Variants in FAM78A observed in about 807,000 individuals in gnomAD.
FAM78A encodes family with sequence similarity 78 member A.
A neutral mutation model predicts 22.6 loss-of-function variants in FAM78A; 12 were observed. The ratio of observed to expected loss-of-function variants is 0.53; its 90% CI spans 0.34 to 0.86. The LOEUF (loss-of-function observed/expected upper bound fraction) is 0.86, where lower values mean the gene tolerates loss of function less well. Among genes scored for constraint, FAM78A ranks in the 40% least tolerant of loss-of-function variants. FAM78A has a pLI of 0.02. For missense variants in FAM78A, 322 were observed against 396.1 expected (o/e 0.81, Z 1.59); for synonymous variants, 151 against 155.8 (o/e 0.97, Z 0.23).
intron 1 of FAM78A, chr9:131,270,227 AGCTGAAGG>A: frequency 1.4e-6 from 1 of 714,798 alleles, no homozygotes. Flanking sequence ...ACAACCACCG[AGCTGAAGG>A]GCTTGCACAT....
Position 131,261,426 on chromosome 9 carries a change from G to A in FAM78A, c.324-76C>T, listed in dbSNP as rs951997559. The A allele has an allele frequency of 1.4e-6, 2 of 1,393,714 alleles. No individual in the cohort carries two copies. The highest frequency in any genetic ancestry group is 1.4e-5 in the African/African-American group (1 of 69,158). The allele number at this position is 1,393,714 out of a possible 1,614,324, so 86.3% of individuals were successfully genotyped here. The stretch of plus-strand genomic sequence containing the variant: ...TCTGTGTCCCCCTGGCAGGCCAGGG[G>A]CTGTCCTGGGCCCTGAGGATGGAAC... On this transcript the variant is annotated intron_variant, in intron 1 of 1. Coordinates refer to ENST00000372271, the MANE Select transcript of FAM78A (RefSeq NM_033387.4). This position sits in a 1 kb window ranked among gnomAD's most constrained non-coding sequence, Gnocchi z 7.1.
At chr9:131,269,382 G>C (rs182948153) in intron 1 of FAM78A, among the ~76,000 whole-genome samples, 1 of 152,278 alleles carries the variant, frequency 6.6e-6, no homozygotes, top group African/African-American at 2.4e-5. Context: ...AGTCTGCACT[G>C]CAGGCAGAGC....
chr9:131,277,301 C>G (rs980129922), upstream of FAM78A, among the ~76,000 whole-genome samples: 1 of 151,908 alleles, frequency 6.6e-6, no homozygotes, highest in East Asian at 1.9e-4. This position sits in a 1 kb window ranked among gnomAD's most constrained non-coding sequence, Gnocchi z 8.4. Flanking sequence ...CCCTTCCCCA[C>G]CCCGGTCCCT....
At chr9:131,268,671 C>T (rs190718235) in intron 1 of FAM78A, among the ~76,000 whole-genome samples, 3,232 of 151,614 alleles carry the variant, frequency 0.021, 47 homozygotes, top group Non-Finnish European at 0.032. Context: ...GAGGCCGAGG[C>T]GGGCGGATCA....
upstream of FAM78A, among the ~76,000 whole-genome samples, chr9:131,279,424 T>G (rs766653327): frequency 6.6e-6 from 1 of 152,230 alleles, no homozygotes; most frequent in Non-Finnish European, 1.5e-5. Flanking sequence ...CCAGTTTATA[T>G]GTAGGGACGA....
At chr9:131,273,951 G>A (rs10793992) in intron 1 of FAM78A, among the ~76,000 whole-genome samples, 53,283 of 152,068 alleles carry the variant, frequency 0.35, 10,010 homozygotes, top group East Asian at 0.52. Context: ...CTGGCCTCCC[G>A]CCCAGATCTG....
chr9:131,279,328 C>T (rs892226644), upstream of FAM78A, among the ~76,000 whole-genome samples: 1 of 152,226 alleles, frequency 6.6e-6, no homozygotes. Flanking sequence ...CTTCCATGAA[C>T]TAATGGCCCC....
chr9:131,279,381 A>G (rs114351902), upstream of FAM78A, among the ~76,000 whole-genome samples: 769 of 152,248 alleles, frequency 5.1e-3, 11 homozygotes, highest in African/African-American at 0.018. Flanking sequence ...GGCCTTCTGC[A>G]CCTCTTGTGC....
chr9:131,268,811 T>G (rs1470199224), intron 1 of FAM78A, among the ~76,000 whole-genome samples: 1 of 151,630 alleles, frequency 6.6e-6, no homozygotes, highest in African/African-American at 2.4e-5. Flanking sequence ...GAGAATCACT[T>G]GAACCCGGGA....
At chr9:131,270,697 A>T (rs1197708941) in intron 1 of FAM78A, among the ~76,000 whole-genome samples, 1 of 152,074 alleles carries the variant, frequency 6.6e-6, no homozygotes, top group Non-Finnish European at 1.5e-5. Context: ...CTCCTCCTCA[A>T]TTGTTCTTTG....
At chr9:131,277,372 C>T (rs1463890501), upstream of FAM78A, among the ~76,000 whole-genome samples, 1 of 152,012 alleles carries the variant, frequency 6.6e-6, no homozygotes, top group Non-Finnish European at 1.5e-5. This position sits in a 1 kb window ranked among gnomAD's most constrained non-coding sequence, Gnocchi z 8.4. Flanking sequence ...CACCCCTTTC[C>T]CGGCTGGGGT....
chr9:131,270,037 TAAA>T (rs1008374603), intron 1 of FAM78A, among the ~76,000 whole-genome samples: 2 of 85,628 alleles, frequency 2.3e-5, no homozygotes, highest in Non-Finnish European at 2.2e-5. Context: ...CCTACTAAAA[TAAA>T]AAAAAAAAAA....
At position 131,261,390 on chromosome 9, in the gene FAM78A, A is replaced by C. The variant is rs1835267275; in HGVS notation, c.324-40T>G. The C allele has an allele frequency of 6.6e-7, 1 of 1,507,270 alleles. No homozygotes were observed. The highest frequency in any genetic ancestry group is 8.8e-7 in the Non-Finnish European group (1 of 1,135,898). 93.4% of individuals were successfully genotyped at this position (1,507,270 alleles called of 1,614,324 possible). On this transcript the variant is annotated intron_variant, in intron 1 of 1. Coordinates refer to ENST00000372271, the MANE Select transcript of FAM78A (RefSeq NM_033387.4). The surrounding 1 kb of genome is among the most constrained non-coding windows in gnomAD (Gnocchi z 7.1). ...GGCCAGTTCACTCACTCGGTCACTC[A>C]AGGAGGGCTTTCTGTGTCCCCCTGG...
In FAM78A at chr9:131,274,618, T is replaced by G. The variant is rs1449895494; in HGVS notation, c.323+1239A>C. 6.6e-6 allele frequency among the ~76,000 whole-genome samples: 1 copy of G among 152,234 alleles called. No individual in the cohort carries two copies. The highest frequency in any genetic ancestry group is 2.4e-5 in the African/African-American group (1 of 41,452). ...TTAAGGGTTACTGTGATCCTCATGT[T>G]TCCTTTAGAACTTTGGAGTCATTAA... On this transcript the variant is annotated intron_variant, in intron 1 of 1. Transcript: ENST00000372271. The surrounding 1 kb of genome is among the most constrained non-coding windows in gnomAD (Gnocchi z 4.2).
At chr9:131,267,890 A>G (rs1835363552) in intron 1 of FAM78A, among the ~76,000 whole-genome samples, 1 of 152,008 alleles carries the variant, frequency 6.6e-6, no homozygotes, top group South Asian at 2.1e-4. Flanking sequence ...CTAAAAATAT[A>G]TTTTAAAAAA....
At position 131,258,560 on chromosome 9, in the gene FAM78A, T is replaced by C. The variant is rs1263088160; in HGVS notation, c.*2262A>G. 1.3e-5 allele frequency: 2 copies of C among 152,084 alleles called. No homozygotes were observed. Among genetic ancestry groups the C allele is most frequent in the Non-Finnish European group, 2.9e-5 (2 of 67,966 alleles). 9.4% of individuals were successfully genotyped at this position (152,084 alleles called of 1,614,324 possible). On this transcript the variant is annotated 3_prime_UTR_variant, in exon 2 of 2. Coordinates refer to ENST00000372271, the MANE Select transcript of FAM78A (RefSeq NM_033387.4). ...TTGCTCTCACTCAAGAAATGCGGGT[T>C]CGGGGGTCCTTCACCCCCTAGCAGC...
At position 131,258,943 on chromosome 9, in the gene FAM78A, C is replaced by T. The variant is rs1835223790; in HGVS notation, c.*1879G>A. ...TGTGTCCCAGGACAGCCTCCTGGCA[C>T]GAGCTGGGCCCGGAGACCGACGGCA... On this transcript the variant is annotated 3_prime_UTR_variant, in exon 2 of 2. Coordinates refer to ENST00000372271, the MANE Select transcript of FAM78A (RefSeq NM_033387.4). The T allele has an allele frequency of 6.6e-6, 1 of 152,650 alleles. No homozygotes were observed. Among genetic ancestry groups the T allele is most frequent in the Non-Finnish European group, 1.5e-5 (1 of 68,022 alleles). The allele number at this position is 152,650 out of a possible 1,614,324, so 9.5% of individuals were successfully genotyped here.
chr9:131,262,163 TA>T (rs573073087), intron 1 of FAM78A, among the ~76,000 whole-genome samples: 1 of 150,592 alleles, frequency 6.6e-6, no homozygotes, highest in Non-Finnish European at 1.5e-5. Flanking sequence ...CTGTCTCTAC[TA>T]AAAAAAATAG....
chr9:131,277,238 G>C (rs1835498698), upstream of FAM78A, among the ~76,000 whole-genome samples: 1 of 151,870 alleles, frequency 6.6e-6, no homozygotes, highest in Admixed American at 6.6e-5. This position sits in a 1 kb window ranked among gnomAD's most constrained non-coding sequence, Gnocchi z 8.4. Context: ...TGCAGGGGGC[G>C]GCGAGCACTT....
Sources: allele counts gnomAD v4.1 joint callset (sites outside exome capture counted in the v4.1 genomes callset), GRCh38; gene constraint gnomAD v4.1.1; non-coding constraint Gnocchi (gnomAD v3.1); transcripts MANE v1.5; gene names NCBI Gene and HGNC (gene_info 2026-07-23, HGNC 2026-07-21).